The following EEFSEC variants were observed in gnomAD, a reference collection of about 807,000 sequenced individuals.
EEFSEC encodes the protein selenocysteine-specific elongation factor.
In EEFSEC, 43 loss-of-function variants were observed where a neutral mutation model predicts 42.1. The ratio of observed to expected loss-of-function variants is 1.02; its 90% confidence interval spans 0.80 to 1.32. EEFSEC has a LOEUF of 1.32. Among genes scored for constraint, EEFSEC ranks in the 40% most tolerant of loss-of-function variants. The pLI is 0.00. For synonymous variants in EEFSEC, 354 were observed against 339.1 expected (o/e 1.04, Z -0.48); for missense variants, 745 against 803.6 (o/e 0.93, Z 0.88).
chr3:128,345,716 G>A (rs2067304644), intron 5 of EEFSEC, among the ~76,000 whole-genome samples: 1 of 152,228 alleles, frequency 6.6e-6, no homozygotes, highest in South Asian at 2.1e-4. Context: ...CTGGGCTTGG[G>A]TCTCTGAGCT....
At chr3:128,182,878 C>T (rs1166844731) in intron 1 of EEFSEC, among the ~76,000 whole-genome samples, 5 of 4,586 alleles carry the variant, frequency 1.1e-3, no homozygotes, top group Admixed American at 3.6e-3. Context: ...CCACAGAGAT[C>T]GGGGCGGGGG....
chr3:128,340,643 C>T (rs763624412), intron 4 of EEFSEC, among the ~76,000 whole-genome samples: 36 of 152,280 alleles, frequency 2.4e-4, no homozygotes, highest in Non-Finnish European at 4.1e-4. Flanking sequence ...AGCAGATACA[C>T]AATAGACAGT....
At chr3:128,164,929 G>C (rs979183196) in intron 1 of EEFSEC, among the ~76,000 whole-genome samples, 1 of 152,004 alleles carries the variant, frequency 6.6e-6, no homozygotes, top group Admixed American at 6.5e-5. Flanking sequence ...TTCTGACCCA[G>C]CTGGATGAAG....
intron 6 of EEFSEC, among the ~76,000 whole-genome samples, chr3:128,407,316 G>C (rs922463323): frequency 6.6e-6 from 1 of 152,228 alleles, no homozygotes; most frequent in Non-Finnish European, 1.5e-5. Flanking sequence ...GCGGGGCTGC[G>C]TATACCCCTG....
intron 1 of EEFSEC, among the ~76,000 whole-genome samples, chr3:128,219,469 C>G (rs543889543): frequency 6.6e-6 from 1 of 152,270 alleles, no homozygotes; most frequent in Admixed American, 6.5e-5. Flanking sequence ...TCTTCCTTCT[C>G]CCCCTCAGAC....
intron 4 of EEFSEC, among the ~76,000 whole-genome samples, chr3:128,332,832 G>A (rs543921244): frequency 6.6e-6 from 1 of 152,334 alleles, no homozygotes; most frequent in East Asian, 1.9e-4. Context: ...GTGATTAAAT[G>A]CATTAGGCGG....
At chr3:128,235,881 C>T (rs1302504551) in intron 1 of EEFSEC, among the ~76,000 whole-genome samples, 2 of 151,774 alleles carry the variant, frequency 1.3e-5, no homozygotes, top group Non-Finnish European at 2.9e-5. Flanking sequence ...GCTGCTCCTA[C>T]CCCCAACCCC....
At chr3:128,357,815 C>G (rs2067474527) in intron 5 of EEFSEC, among the ~76,000 whole-genome samples, 1 of 151,582 alleles carries the variant, frequency 6.6e-6, no homozygotes, top group South Asian at 2.1e-4. Context: ...GTGGGGGGGG[C>G]CTGCAACAGG....
chr3:128,402,253 T>C (rs2107636390), intron 6 of EEFSEC, among the ~76,000 whole-genome samples: 1 of 152,378 alleles, frequency 6.6e-6, no homozygotes, highest in South Asian at 2.1e-4. Flanking sequence ...CTCTTTTCCC[T>C]TCATCCCAGG....
chr3:128,404,240 G>T (rs2068083164), intron 6 of EEFSEC, among the ~76,000 whole-genome samples: 1 of 152,226 alleles, frequency 6.6e-6, no homozygotes, highest in Non-Finnish European at 1.5e-5. Flanking sequence ...TCTCCCTTTG[G>T]TCAGGCTTTC....
chr3:128,367,210 G>T (rs2067600497), intron 6 of EEFSEC, among the ~76,000 whole-genome samples: 1 of 152,224 alleles, frequency 6.6e-6, no homozygotes, highest in African/African-American at 2.4e-5. Context: ...AAGTCTGGGG[G>T]TTAGGATTCC....
chr3:128,412,979 A>G (rs1470728921), downstream of EEFSEC, among the ~76,000 whole-genome samples: 2 of 152,170 alleles, frequency 1.3e-5, no homozygotes, highest in Non-Finnish European at 2.9e-5. Flanking sequence ...ACAAGGGCAC[A>G]GGCAGGGGGA....
intron 1 of EEFSEC, among the ~76,000 whole-genome samples, chr3:128,175,057 G>T (rs1322473233): frequency 6.6e-6 from 1 of 151,782 alleles, no homozygotes; most frequent in African/African-American, 2.4e-5. Context: ...TGTCATCATC[G>T]GCATTCTCTC....
intron 1 of EEFSEC, among the ~76,000 whole-genome samples, chr3:128,210,580 CTG>C (rs1002371675): frequency 2.6e-5 from 4 of 152,190 alleles, no homozygotes; most frequent in African/African-American, 9.6e-5. Flanking sequence ...CTTGGGATAA[CTG>C]TGGCACAGGG....
rs560827533 is a variant in EEFSEC at position 128,153,687 on chromosome 3, G to T, written c.180G>T (p.Leu60=). The T allele has an allele frequency of 6.3e-7, 1 of 1,591,954 alleles. No individual in the cohort carries two copies. Among genetic ancestry groups the T allele is most frequent in the South Asian group, 1.1e-5 (1 of 89,484 alleles). The part of the protein sequence containing the change: ...DLGFSCFSVP[L]PARLRSSLPE... ...GCTTCTCGTGCTTCTCGGTGCCGCT[G>T]CCCGCGCGCCTGCGGTCGTCTTTGC... Residue 60 remains leucine, a synonymous_variant, in exon 1 of 7, where the codon CTG becomes CTT. Coordinates refer to ENST00000254730, the MANE Select transcript of EEFSEC (RefSeq NM_021937.5).
intron 6 of EEFSEC, among the ~76,000 whole-genome samples, chr3:128,399,672 A>C (rs1419778592): frequency 1.3e-5 from 2 of 151,810 alleles, no homozygotes; most frequent in Non-Finnish European, 2.9e-5. Flanking sequence ...TGGCTGGAGG[A>C]TTCCAGAGTC....
At position 128,297,560 on chromosome 3, in the gene EEFSEC, G is replaced by A. The variant is rs183324672; in HGVS notation, c.786+32779G>A. Reference sequence around the variant, plus strand: ...GCACACACCCTTCTGTGGACCCCACGGTCATGCTGAGTTCTGCATTACTCC... The same window carrying A: ...GCACACACCCTTCTGTGGACCCCACAGTCATGCTGAGTTCTGCATTACTCC... On this transcript the variant is annotated intron_variant, in intron 4 of 6. Coordinates refer to ENST00000254730, the MANE Select transcript of EEFSEC (RefSeq NM_021937.5). 1.2e-4 allele frequency among the ~76,000 whole-genome samples: 18 copies of A among 152,138 alleles called. 1 individual carries two copies. In the East Asian group the frequency reaches 3.3e-3, roughly 28 times the overall value.
At chr3:128,318,895 A>G (rs1451002338) in intron 4 of EEFSEC, among the ~76,000 whole-genome samples, 3 of 152,200 alleles carry the variant, frequency 2.0e-5, no homozygotes, top group Admixed American at 2.0e-4. Context: ...TCCTCACATC[A>G]CCTGCAGGAG....
At chr3:128,180,094 GT>G (rs1200747422) in intron 1 of EEFSEC, among the ~76,000 whole-genome samples, 1 of 137,654 alleles carries the variant, frequency 7.3e-6, no homozygotes, top group Admixed American at 7.4e-5. Context: ...CCTTCCTCAT[GT>G]TTTTGGTTTT....
Sources: gnomAD v4.1 joint callset for allele counts (sites outside exome capture counted in the v4.1 genomes callset) on GRCh38, gnomAD v4.1.1 for gene constraint, MANE v1.5 for transcripts, NCBI Gene and HGNC (gene_info 2026-07-23, HGNC 2026-07-21) for gene names.